Variants in GAP43 observed in about 807,000 individuals in gnomAD.
GAP43 encodes neuromodulin.
GAP43 carries 6 observed loss-of-function variants against 18.6 expected under a neutral mutation model. The observed-to-expected ratio is 0.32, with a 90% CI of 0.18 to 0.64. GAP43 has a LOEUF of 0.64. Among genes scored for constraint, GAP43 ranks in the 30% least tolerant of loss-of-function variants. GAP43 has a pLI of 0.78. For synonymous variants in GAP43, 115 were observed against 111.4 expected (o/e 1.03, Z -0.20); for missense variants, 292 against 295.5 (o/e 0.99, Z 0.09).
intron 1 of GAP43, among the ~76,000 whole-genome samples, chr3:115,657,268 G>A (rs865823545): frequency 6.6e-6 from 1 of 152,202 alleles, no homozygotes; most frequent in Non-Finnish European, 1.5e-5. Flanking sequence ...GGAGAGGTGA[G>A]TTGCTTAGGT....
rs572189389 is a variant in GAP43, at chr3:115,715,136, T to A, written c.629-5658T>A. On this transcript the variant is annotated intron_variant, in intron 2 of 2. Coordinates refer to ENST00000305124, the MANE Select transcript of GAP43 (RefSeq NM_002045.4). ...ATTCCTACTCCTAATGCCGTCACCTTAGGGGGTTAGAATTTCAACATATGA... is the reference window on the plus strand; with the variant it reads ...ATTCCTACTCCTAATGCCGTCACCTAAGGGGGTTAGAATTTCAACATATGA... 2.6e-5 allele frequency among the ~76,000 whole-genome samples: 4 copies of A among 152,246 alleles called. No individual in the cohort carries two copies. The East Asian group carries it at 7.7e-4, about 29-fold the overall frequency.
At chr3:115,626,932 A>G (rs1466261433) in intron 1 of GAP43, among the ~76,000 whole-genome samples, 1 of 151,804 alleles carries the variant, frequency 6.6e-6, no homozygotes, top group African/African-American at 2.4e-5. Flanking sequence ...CTTCCTAGTG[A>G]TAAATTGGAT....
intron 1 of GAP43, among the ~76,000 whole-genome samples, chr3:115,638,464 A>G (rs1441073208): frequency 2.0e-5 from 3 of 151,462 alleles, no homozygotes; most frequent in African/African-American, 7.3e-5. Flanking sequence ...TTACTTGAGA[A>G]GCCTTTCCAT....
intron 1 of GAP43, among the ~76,000 whole-genome samples, chr3:115,662,760 C>T (rs1708680420): frequency 6.6e-6 from 1 of 152,148 alleles, no homozygotes; most frequent in South Asian, 2.1e-4. Flanking sequence ...GGCCATGTGA[C>T]ATCACTTATG....
chr3:115,663,556 A>G (rs1048899532), intron 1 of GAP43: 24 of 1,288,488 alleles, frequency 1.9e-5, no homozygotes, highest in South Asian at 5.3e-5. Context: ...GTTGTTTTCA[A>G]CATCTCAAGT....
chr3:115,636,970 A>T (rs144262464), intron 1 of GAP43, among the ~76,000 whole-genome samples: 1 of 152,118 alleles, frequency 6.6e-6, no homozygotes, highest in Non-Finnish European at 1.5e-5. Flanking sequence ...CAGACTTAGT[A>T]TAAATTTAAG....
intron 1 of GAP43, among the ~76,000 whole-genome samples, chr3:115,664,145 A>G (rs1708701892): frequency 1.3e-5 from 2 of 151,872 alleles, no homozygotes; most frequent in African/African-American, 2.4e-5. Flanking sequence ...GTGTGTATAT[A>G]TCATATAAAA....
chr3:115,663,899 A>G (rs1456693205), intron 1 of GAP43: 1 of 1,552,042 alleles, frequency 6.4e-7, no homozygotes, highest in Non-Finnish European at 8.7e-7. Flanking sequence ...TGGCTTCTTG[A>G]CTTTCTGGAT....
intron 1 of GAP43, among the ~76,000 whole-genome samples, chr3:115,653,987 C>CT (rs1708553123): frequency 6.6e-6 from 1 of 152,104 alleles, no homozygotes; most frequent in African/African-American, 2.4e-5. Flanking sequence ...GTCTCCACAT[C>CT]TCCCCTTTCC....
intron 1 of GAP43, 43 bp downstream of exon 1, chr3:115,623,762 C>A (rs775669890): frequency 6.2e-7 from 1 of 1,608,860 alleles, no homozygotes; most frequent in South Asian, 1.1e-5. Context: ...GTGAAATAAC[C>A]CGAGTACAGT....
At chr3:115,668,186 T>C (rs1348594975) in intron 1 of GAP43, among the ~76,000 whole-genome samples, 1 of 152,196 alleles carries the variant, frequency 6.6e-6, no homozygotes, top group Non-Finnish European at 1.5e-5. Flanking sequence ...TAGAGGAGTT[T>C]AGTCAAGTGA....
chr3:115,648,110 G>C (rs1169263865), intron 1 of GAP43, among the ~76,000 whole-genome samples: 1 of 152,108 alleles, frequency 6.6e-6, no homozygotes, highest in African/African-American at 2.4e-5. Flanking sequence ...TGTAGTCTAG[G>C]CTGTATGACA....
intron 2 of GAP43, among the ~76,000 whole-genome samples, chr3:115,690,237 C>T (rs28399399): frequency 0.012 from 1,873 of 151,356 alleles, 19 homozygotes; most frequent in Non-Finnish European, 0.015. Context: ...ACCCCCTGCC[C>T]ACCATTGTCT....
At chr3:115,687,083 G>A (rs1709044519) in intron 2 of GAP43, among the ~76,000 whole-genome samples, 1 of 149,580 alleles carries the variant, frequency 6.7e-6, no homozygotes, top group Non-Finnish European at 1.5e-5. Context: ...GGGGAAAGTG[G>A]AGATGACTGA....
intron 1 of GAP43, among the ~76,000 whole-genome samples, chr3:115,627,895 A>C (rs1708210621): frequency 6.6e-6 from 1 of 152,162 alleles, no homozygotes; most frequent in Non-Finnish European, 1.5e-5. Context: ...TTATACTGTG[A>C]GTCCTTAGTG....
intron 2 of GAP43, among the ~76,000 whole-genome samples, chr3:115,685,163 G>C (rs1709017272): frequency 6.6e-6 from 1 of 152,146 alleles, no homozygotes; most frequent in African/African-American, 2.4e-5. Context: ...AGTCATCCCT[G>C]AGGTTGCCAG....
intron 1 of GAP43, among the ~76,000 whole-genome samples, chr3:115,655,768 T>G (rs528851660): frequency 1.4e-4 from 21 of 152,368 alleles, no homozygotes; most frequent in Middle Eastern, 3.4e-3. Flanking sequence ...TATGCAAAAC[T>G]GGGGCATTTT....
intron 1 of GAP43, among the ~76,000 whole-genome samples, chr3:115,638,285 A>G (rs556204705): frequency 1.3e-5 from 2 of 152,068 alleles, no homozygotes; most frequent in Non-Finnish European, 2.9e-5. Context: ...GAAATCCTAC[A>G]TTATCCAGGC....
At chr3:115,650,170 C>T (rs1402777812) in intron 1 of GAP43, among the ~76,000 whole-genome samples, 2 of 152,218 alleles carry the variant, frequency 1.3e-5, no homozygotes, top group East Asian at 3.9e-4. Context: ...ATTTAGGAAC[C>T]TAGCAGGAAG....
Sources: allele counts gnomAD v4.1 joint callset (sites outside exome capture counted in the v4.1 genomes callset), GRCh38; gene constraint gnomAD v4.1.1; transcripts MANE v1.5; gene names NCBI Gene and HGNC (gene_info 2026-07-23, HGNC 2026-07-21).